The following CAB39L variants were observed in gnomAD, a reference collection of about 807,000 sequenced individuals.
CAB39L encodes calcium-binding protein 39-like.
A neutral mutation model predicts 39.1 loss-of-function variants in CAB39L; 23 were observed. That is an observed-to-expected ratio of 0.59 (90% CI 0.42 to 0.83). The LOEUF is 0.83. Ranked by LOEUF, CAB39L falls within the 40% of genes least tolerant of loss-of-function variation. The probability of loss-of-function intolerance (pLI) is 0.00; values close to 1 mark genes in which losing one functional copy is unlikely to be tolerated. For synonymous variants in CAB39L, 126 were observed against 137.2 expected, an observed-to-expected ratio of 0.92 and a Z score of 0.57; for missense variants, 366 against 391.9, an observed-to-expected ratio of 0.93 and a Z score of 0.56.
At chr13:49,315,896 AAAAG>A (rs1253499182) in intron 10 of CAB39L, among the ~76,000 whole-genome samples, 6 of 151,130 alleles carry the variant, frequency 4.0e-5, no homozygotes, top group Non-Finnish European at 5.9e-5. Context: ...AAAAAAAAAA[AAAAG>A]AAAAGAAAAG....
intron 10 of CAB39L, among the ~76,000 whole-genome samples, chr13:49,330,433 T>C (rs952106515): frequency 6.6e-6 from 1 of 152,090 alleles, no homozygotes; most frequent in Non-Finnish European, 1.5e-5. Flanking sequence ...GAGACCAGCC[T>C]GGGCAACACA....
At chr13:49,421,522 C>T (rs1414557926) in intron 3 of CAB39L, among the ~76,000 whole-genome samples, 1 of 152,144 alleles carries the variant, frequency 6.6e-6, no homozygotes, top group Admixed American at 6.5e-5. Flanking sequence ...TTGCAGCCCA[C>T]GCATCAGTCA....
chr13:49,312,609 A>G (rs1339911215), intron 10 of CAB39L, among the ~76,000 whole-genome samples: 1 of 152,198 alleles, frequency 6.6e-6, no homozygotes, highest in East Asian at 1.9e-4. Context: ...GTTCCCACAC[A>G]AAGGACATCG....
chr13:49,325,477 T>C (rs1033168316), intron 10 of CAB39L, among the ~76,000 whole-genome samples: 1 of 152,164 alleles, frequency 6.6e-6, no homozygotes, highest in Non-Finnish European at 1.5e-5. Flanking sequence ...ATGACCATAG[T>C]AGTTTGGTGT....
At chr13:49,319,406 A>T (rs1954284108) in intron 10 of CAB39L, among the ~76,000 whole-genome samples, 1 of 152,178 alleles carries the variant, frequency 6.6e-6, no homozygotes, top group Non-Finnish European at 1.5e-5. Context: ...CCATGGAGCC[A>T]GAAAGCAGAC....
rs200903258 is a variant in CAB39L at position 49,310,803 on chromosome 13, C to T, written c.*11G>A. The T allele has an allele frequency of 4.3e-5, 69 of 1,612,512 alleles. No homozygotes were observed. The highest frequency in any genetic ancestry group is 1.7e-4 in the Middle Eastern group (1 of 6,058). ...TGAGACGACTGACTGTGACAGGGGC[C>T]GGGGAGCTCTTCAAGGGGCCGTTTT... On this transcript the variant is annotated 3_prime_UTR_variant, in exon 11 of 11. Coordinates refer to ENST00000409308, the MANE Select transcript of CAB39L (RefSeq NM_001079670.3).
At chr13:49,388,743 G>A (rs1956422653) in intron 3 of CAB39L, among the ~76,000 whole-genome samples, 1 of 151,836 alleles carries the variant, frequency 6.6e-6, no homozygotes. Flanking sequence ...CATTCATATA[G>A]GAATAAAAAT....
At chr13:49,364,383 T>C (rs1326378803) in intron 5 of CAB39L, among the ~76,000 whole-genome samples, 1 of 152,036 alleles carries the variant, frequency 6.6e-6, no homozygotes, top group Non-Finnish European at 1.5e-5. Flanking sequence ...AGATCTTAGA[T>C]TTGGAGCATG....
intron 8 of CAB39L, 53 bp downstream of exon 8, chr13:49,344,125 TA>T: frequency 9.4e-7 from 1 of 1,068,708 alleles, no homozygotes; most frequent in Admixed American, 1.7e-5. Flanking sequence ...CTCATAGATC[TA>T]AAAGGGAGGG....
intron 3 of CAB39L, among the ~76,000 whole-genome samples, chr13:49,417,179 T>C (rs945787627): frequency 1.3e-5 from 2 of 152,230 alleles, no homozygotes; most frequent in Non-Finnish European, 2.9e-5. Flanking sequence ...GGGCACTTTA[T>C]ATTCCAATTT....
chr13:49,405,550 G>A (rs904832571), intron 3 of CAB39L, among the ~76,000 whole-genome samples: 10 of 151,998 alleles, frequency 6.6e-5, no homozygotes, highest in Non-Finnish European at 1.3e-4. Context: ...TGAGACAGGA[G>A]GATTGCTTGA....
chr13:49,386,880 C>T (rs554747280), intron 3 of CAB39L, among the ~76,000 whole-genome samples: 36 of 152,186 alleles, frequency 2.4e-4, no homozygotes, highest in African/African-American at 8.4e-4. Flanking sequence ...CTAAACACCT[C>T]CTCCATCACC....
intron 3 of CAB39L, among the ~76,000 whole-genome samples, chr13:49,398,382 A>C (rs1956686418): frequency 6.6e-6 from 1 of 152,102 alleles, no homozygotes; most frequent in African/African-American, 2.4e-5. Context: ...CTATCAGCTA[A>C]ATATAATCTT....
At chr13:49,395,610 A>G (rs986669331) in intron 3 of CAB39L, among the ~76,000 whole-genome samples, 1 of 152,188 alleles carries the variant, frequency 6.6e-6, no homozygotes, top group Admixed American at 6.5e-5. Context: ...CTTGGCTCAG[A>G]TTCTGGAGAG....
intron 9 of CAB39L, among the ~76,000 whole-genome samples, chr13:49,339,128 T>C (rs1157362398): frequency 7.1e-6 from 1 of 140,988 alleles, no homozygotes; most frequent in African/African-American, 2.7e-5. Context: ...TACATGTCTT[T>C]TTTTTTTTTT....
At chr13:49,413,392 A>G (rs1341057624) in intron 3 of CAB39L, among the ~76,000 whole-genome samples, 2 of 152,216 alleles carry the variant, frequency 1.3e-5, no homozygotes, top group South Asian at 2.1e-4. Context: ...CAAATACCTA[A>G]GAAATGGGAA....
intron 1 of CAB39L, among the ~76,000 whole-genome samples, chr13:49,438,217 T>A (rs1189502918): frequency 6.6e-6 from 1 of 152,158 alleles, no homozygotes; most frequent in African/African-American, 2.4e-5. Context: ...GGCTTTTTTC[T>A]CCCAGCTAAT....
intron 3 of CAB39L, among the ~76,000 whole-genome samples, chr13:49,424,140 C>T (rs534847163): frequency 3.4e-4 from 52 of 152,226 alleles, no homozygotes; most frequent in Admixed American, 7.8e-4. Context: ...AGTTATAGAT[C>T]GTGACTTCTT....
intron 6 of CAB39L, among the ~76,000 whole-genome samples, chr13:49,358,038 A>C (rs1446125305): frequency 2.0e-5 from 3 of 152,258 alleles, no homozygotes; most frequent in Non-Finnish European, 2.9e-5. Context: ...CATGCTGAAG[A>C]TGACAGAACC....
Sources: gnomAD v4.1 joint callset for allele counts (sites outside exome capture counted in the v4.1 genomes callset) on GRCh38, gnomAD v4.1.1 for gene constraint, MANE v1.5 for transcripts, NCBI Gene and HGNC (gene_info 2026-07-23, HGNC 2026-07-21) for gene names.